Variants in GMDS observed in about 807,000 individuals in gnomAD.
The protein encoded by GMDS is GDP-mannose 4,6 dehydratase.
In GMDS, 20 loss-of-function variants were observed where a neutral mutation model predicts 49.9. The ratio of observed to expected loss-of-function variants is 0.40; its 90% CI spans 0.28 to 0.58. GMDS has a LOEUF of 0.58. GMDS is among the 20% of genes least tolerant of loss of function. GMDS has a pLI of 0.42. For synonymous variants in GMDS, 177 were observed against 178.6 expected (o/e 0.99, Z 0.07); for missense variants, 362 against 481.4 (o/e 0.75, Z 2.32).
intron 9 of GMDS, among the ~76,000 whole-genome samples, chr6:1,658,534 A>G (rs1433132315): frequency 6.6e-6 from 1 of 152,242 alleles, no homozygotes; most frequent in Non-Finnish European, 1.5e-5. Flanking sequence ...CCTCTACTGT[A>G]TGACACACTC....
intron 7 of GMDS, among the ~76,000 whole-genome samples, chr6:1,796,591 A>G (rs908590057): frequency 1.3e-5 from 2 of 152,220 alleles, no homozygotes; most frequent in East Asian, 3.8e-4. Flanking sequence ...ACTTCAAATC[A>G]CAACCCTCAA....
At chr6:1,629,958 T>C (rs1383874197) in intron 9 of GMDS, among the ~76,000 whole-genome samples, 1 of 152,216 alleles carries the variant, frequency 6.6e-6, no homozygotes, top group South Asian at 2.1e-4. Flanking sequence ...CTTCATTATA[T>C]GCCTACTTGT....
At chr6:2,074,445 T>C (rs550104088) in intron 4 of GMDS, among the ~76,000 whole-genome samples, 13 of 152,312 alleles carry the variant, frequency 8.5e-5, no homozygotes, top group African/African-American at 2.9e-4. Flanking sequence ...AATATTTTTT[T>C]CCGCTCAATA....
intron 7 of GMDS, among the ~76,000 whole-genome samples, chr6:1,755,553 G>A (rs2113532672): frequency 6.7e-6 from 1 of 150,076 alleles, no homozygotes; most frequent in Admixed American, 6.7e-5. Context: ...CCAAAAAAAT[G>A]CCCGTATAGC....
rs184485158 is a variant in GMDS at position 1,979,539 on chromosome 6, G to A, written c.346-18573C>T. 2.2e-4 allele frequency among the ~76,000 whole-genome samples: 33 copies of A among 152,276 alleles called. 1 individual carries two copies. The highest frequency in any genetic ancestry group is 3.4e-3 in the Middle Eastern group (1 of 294). On this transcript the variant is annotated intron_variant, in intron 4 of 10. Transcript: ENST00000380815. ...TAAACAAAACCTCTGAGAAATATGG[G>A]ATTATGTAAAGAGAATGAATCTACA...
At chr6:2,014,657 A>G (rs1186740407) in intron 4 of GMDS, among the ~76,000 whole-genome samples, 1 of 152,138 alleles carries the variant, frequency 6.6e-6, no homozygotes, top group African/African-American at 2.4e-5. Flanking sequence ...AGGAAGATGA[A>G]GAATAAAATA....
In GMDS at chr6:1,735,228, G is replaced by GTGTC. The variant is rs111833125; in HGVS notation, c.890+7236_890+7239dup. Reference sequence around the variant, plus strand: ...CTGCACCTCTTTCACCTACACGACTGTGTCTATCCATCTCCCTTCCTCCCA... The same window carrying GTGTC: ...CTGCACCTCTTTCACCTACACGACTGTGTCTGTCTATCCATCTCCCTTCCTCCCA... On this transcript the variant is annotated intron_variant, in intron 8 of 10. Coordinates refer to ENST00000380815, the MANE Select transcript of GMDS (RefSeq NM_001500.4). Among the ~76,000 whole-genome samples the GTGTC allele has an allele frequency of 3.3e-3, 506 of 152,356 alleles. 2 individuals carry two copies. The highest frequency in any genetic ancestry group is 0.011 in the African/African-American group (478 of 41,584).
At chr6:1,968,036 G>A (rs1462634651) in intron 4 of GMDS, among the ~76,000 whole-genome samples, 53 of 152,198 alleles carry the variant, frequency 3.5e-4, no homozygotes, top group Admixed American at 3.5e-3. Flanking sequence ...TGAGTTCACT[G>A]TGCTAGACCT....
At chr6:1,990,734 C>G (rs1338692385) in intron 4 of GMDS, among the ~76,000 whole-genome samples, 1 of 112,006 alleles carries the variant, frequency 8.9e-6, no homozygotes, top group Non-Finnish European at 1.9e-5. Context: ...ATCAGCACAC[C>G]CAGCTAATTT....
chr6:1,859,185 G>GT (rs1758074589), intron 7 of GMDS, among the ~76,000 whole-genome samples: 1 of 152,124 alleles, frequency 6.6e-6, no homozygotes, highest in African/African-American at 2.4e-5. Context: ...GAGTCTGACC[G>GT]TAGACATTGA....
chr6:1,774,819 T>A (rs1768730238), intron 7 of GMDS, among the ~76,000 whole-genome samples: 1 of 152,218 alleles, frequency 6.6e-6, no homozygotes, highest in Non-Finnish European at 1.5e-5. Context: ...GTGTGGCATG[T>A]AACTTCAGGG....
intron 1 of GMDS, among the ~76,000 whole-genome samples, chr6:2,216,926 A>G (rs1269911646): frequency 2.3e-4 from 35 of 152,068 alleles, no homozygotes. Context: ...CCTCACGGAA[A>G]GGGAGCTCAG....
intron 1 of GMDS, among the ~76,000 whole-genome samples, chr6:2,136,017 T>C (rs1040498425): frequency 2.0e-5 from 3 of 152,222 alleles, no homozygotes; most frequent in Non-Finnish European, 4.4e-5. Flanking sequence ...TATAGTCTTA[T>C]GGTGCCTAGG....
At chr6:1,632,646 G>A (rs1261819904) in intron 9 of GMDS, among the ~76,000 whole-genome samples, 1 of 152,190 alleles carries the variant, frequency 6.6e-6, no homozygotes, top group East Asian at 1.9e-4. Flanking sequence ...AGAGGCTGAG[G>A]TAGGAGGACT....
intron 4 of GMDS, among the ~76,000 whole-genome samples, chr6:1,996,268 C>T (rs1291280096): frequency 1.3e-5 from 2 of 152,110 alleles, no homozygotes; most frequent in African/African-American, 2.4e-5. Flanking sequence ...AACACCACAG[C>T]TTACAGTGTC....
intron 4 of GMDS, among the ~76,000 whole-genome samples, chr6:1,972,539 C>A (rs1764680745): frequency 1.3e-5 from 2 of 152,108 alleles, no homozygotes; most frequent in Middle Eastern, 3.2e-3. Flanking sequence ...AATACTTAAC[C>A]AAGGATTCAC....
chr6:2,077,120 T>C (rs567626420), intron 4 of GMDS, among the ~76,000 whole-genome samples: 19 of 152,292 alleles, frequency 1.2e-4, no homozygotes, highest in African/African-American at 4.6e-4. Context: ...GGAACACTAC[T>C]GATTTTTACA....
At chr6:2,235,464 A>T (rs1331275274) in intron 1 of GMDS, among the ~76,000 whole-genome samples, 1 of 152,188 alleles carries the variant, frequency 6.6e-6, no homozygotes, top group Non-Finnish European at 1.5e-5. Flanking sequence ...AAGCAAAAAG[A>T]AAACAAATGC....
intron 9 of GMDS, among the ~76,000 whole-genome samples, chr6:1,707,550 A>T (rs188744925): frequency 6.1e-4 from 93 of 151,332 alleles, no homozygotes; most frequent in African/African-American, 2.1e-3. Flanking sequence ...CCTCCCAGGC[A>T]GCCTGGCATG....
Sources: allele counts gnomAD v4.1 joint callset (sites outside exome capture counted in the v4.1 genomes callset), GRCh38; gene constraint gnomAD v4.1.1; transcripts MANE v1.5; gene names NCBI Gene and HGNC (gene_info 2026-07-23, HGNC 2026-07-21).